The following LDB2 variants were observed in gnomAD, a reference collection of about 807,000 sequenced individuals.
The protein encoded by LDB2 is LIM domain-binding protein 2.
LDB2 carries 12 observed loss-of-function variants against 44.3 expected under a neutral mutation model. The ratio of observed to expected loss-of-function variants is 0.27; its 90% CI spans 0.17 to 0.44. The LOEUF (loss-of-function observed/expected upper bound fraction) is 0.44. Among genes scored for constraint, LDB2 ranks in the 20% least tolerant of loss-of-function variants. The pLI is 1.00. For synonymous variants in LDB2, 164 were observed against 174.8 expected (o/e 0.94, Z 0.49); for missense variants, 344 against 473.5 (o/e 0.73, Z 2.54).
intron 5 of LDB2, among the ~76,000 whole-genome samples, chr4:16,523,607 A>G (rs1727099563): frequency 6.6e-6 from 1 of 151,722 alleles, no homozygotes; most frequent in African/African-American, 2.4e-5. Flanking sequence ...TAGTGTAGAT[A>G]GTGTGTATCC....
intron 5 of LDB2, among the ~76,000 whole-genome samples, chr4:16,570,233 G>A (rs576138906): frequency 3.3e-5 from 5 of 151,898 alleles, no homozygotes; most frequent in Non-Finnish European, 7.4e-5. Flanking sequence ...GGAGGCTGAG[G>A]TGGGCGGATC....
chr4:16,565,000 T>G (rs997951954), intron 5 of LDB2, among the ~76,000 whole-genome samples: 6 of 152,228 alleles, frequency 3.9e-5, no homozygotes, highest in Admixed American at 3.9e-4. Flanking sequence ...CCTTTACAAT[T>G]ACAAGAAATT....
chr4:16,622,286 AG>A (rs1729110301), intron 2 of LDB2, among the ~76,000 whole-genome samples: 2 of 152,234 alleles, frequency 1.3e-5, no homozygotes, highest in African/African-American at 4.8e-5. Flanking sequence ...ACAAATAAAG[AG>A]AAAAACAAAA....
chr4:16,702,400 C>T (rs867555583), intron 2 of LDB2, among the ~76,000 whole-genome samples: 5 of 152,158 alleles, frequency 3.3e-5, no homozygotes, highest in African/African-American at 7.2e-5. Context: ...CTCCCACTCC[C>T]CTAACAGGGA....
chr4:16,717,789 G>A (rs1757395767), intron 2 of LDB2, among the ~76,000 whole-genome samples: 1 of 152,106 alleles, frequency 6.6e-6, no homozygotes, highest in South Asian at 2.1e-4. Flanking sequence ...AAGTCTTCCT[G>A]AAAGTGGTAA....
intron 2 of LDB2, among the ~76,000 whole-genome samples, chr4:16,665,778 G>A (rs1249938506): frequency 6.6e-6 from 1 of 152,174 alleles, no homozygotes; most frequent in African/African-American, 2.4e-5. Context: ...AGGGGTGTCT[G>A]AAGATGTAAT....
chr4:16,551,499 A>C (rs1560446760), intron 5 of LDB2, among the ~76,000 whole-genome samples: 3 of 151,854 alleles, frequency 2.0e-5, no homozygotes, highest in Non-Finnish European at 2.9e-5. Context: ...TCAACTATCT[A>C]TTTATTTTTA....
chr4:16,576,696 T>C (rs1382266592), intron 5 of LDB2, among the ~76,000 whole-genome samples: 2 of 152,060 alleles, frequency 1.3e-5, no homozygotes, highest in Non-Finnish European at 2.9e-5. Flanking sequence ...TTCCAACAAA[T>C]AGAGGAGGAG....
At chr4:16,789,742 C>G (rs893076622) in intron 1 of LDB2, among the ~76,000 whole-genome samples, 1 of 152,090 alleles carries the variant, frequency 6.6e-6, no homozygotes, top group Non-Finnish European at 1.5e-5. Flanking sequence ...CCATCCTGGC[C>G]AATATGGTGA....
intron 5 of LDB2, among the ~76,000 whole-genome samples, chr4:16,558,257 A>G (rs1740549563): frequency 6.6e-6 from 1 of 152,206 alleles, no homozygotes; most frequent in Non-Finnish European, 1.5e-5. Context: ...CCATCAAACT[A>G]CTACGAGCTA....
chr4:16,827,062 A>AAAATTCTT (rs1783188146), intron 1 of LDB2, among the ~76,000 whole-genome samples: 1 of 152,210 alleles, frequency 6.6e-6, no homozygotes, highest in African/African-American at 2.4e-5. Context: ...AGTTGCACAG[A>AAAATTCTT]AAATTCTTAT....
chr4:16,622,197 G>A (rs1729079076), intron 2 of LDB2, among the ~76,000 whole-genome samples: 1 of 152,148 alleles, frequency 6.6e-6, no homozygotes, highest in South Asian at 2.1e-4. Context: ...CTAGATAAGT[G>A]GGCCGGATAC....
intron 2 of LDB2, among the ~76,000 whole-genome samples, chr4:16,612,756 TGAA>T (rs1291492468): frequency 6.6e-6 from 1 of 152,188 alleles, no homozygotes; most frequent in Non-Finnish European, 1.5e-5. Context: ...GATTCACAGC[TGAA>T]TTGTACCGGA....
At chr4:16,865,165 T>C (rs1714248790) in intron 1 of LDB2, among the ~76,000 whole-genome samples, 1 of 151,968 alleles carries the variant, frequency 6.6e-6, no homozygotes, top group African/African-American at 2.4e-5. Context: ...GGCAAGAGAA[T>C]CACTTGAAGC....
At chr4:16,509,613 A>T (rs1720916225) in intron 6 of LDB2, among the ~76,000 whole-genome samples, 1 of 152,212 alleles carries the variant, frequency 6.6e-6, no homozygotes, top group Admixed American at 6.5e-5. Context: ...TATTCAAAAA[A>T]TCCTATTAGT....
intron 5 of LDB2, among the ~76,000 whole-genome samples, chr4:16,519,679 C>A (rs948681223): frequency 6.7e-6 from 1 of 150,262 alleles, no homozygotes; most frequent in Admixed American, 6.6e-5. Context: ...TGGGTTCAAG[C>A]CCTCCAAGTC....
chr4:16,801,612 G>A (rs907246163), intron 1 of LDB2, among the ~76,000 whole-genome samples: 13 of 152,094 alleles, frequency 8.5e-5, no homozygotes, highest in South Asian at 2.1e-4. Flanking sequence ...ATTTCCTTTC[G>A]TTTAACCACA....
At chr4:16,897,946 GTATATA>G (rs35836810) in intron 1 of LDB2, among the ~76,000 whole-genome samples, 1,289 of 27,886 alleles carry the variant, frequency 0.046, 57 homozygotes, top group Admixed American at 0.083. Flanking sequence ...ATACACATAT[GTATATA>G]TATATATATA....
intron 1 of LDB2, among the ~76,000 whole-genome samples, chr4:16,818,987 A>G (rs1781442730): frequency 6.6e-6 from 1 of 152,230 alleles, no homozygotes; most frequent in Non-Finnish European, 1.5e-5. Context: ...TGTATTGTAT[A>G]AAGGCAAAGC....
Sources: gnomAD v4.1 joint callset for allele counts (sites outside exome capture counted in the v4.1 genomes callset) on GRCh38, gnomAD v4.1.1 for gene constraint, MANE v1.5 for transcripts, NCBI Gene and HGNC (gene_info 2026-07-23, HGNC 2026-07-21) for gene names.